CTNNA3: variants seen among roughly 807,000 people sequenced by gnomAD.
The protein encoded by CTNNA3 is catenin alpha-3.
CTNNA3 carries 76 observed loss-of-function variants against 95.7 expected under a neutral mutation model. The observed-to-expected ratio is 0.79, with a 90% confidence interval of 0.66 to 0.96. The LOEUF (loss-of-function observed/expected upper bound fraction) is 0.96. Ranked by LOEUF, CTNNA3 falls within the 40% of genes least tolerant of loss-of-function variation. The pLI is 0.00. For missense variants in CTNNA3, 1,191 were observed against 1,089.8 expected (o/e 1.09, Z -1.31); for synonymous variants, 431 against 374.4 (o/e 1.15, Z -1.74).
intron 9 of CTNNA3, among the ~76,000 whole-genome samples, chr10:66,637,546 C>A (rs16923357): frequency 0.063 from 9,600 of 152,266 alleles, 1,034 homozygotes; most frequent in African/African-American, 0.22. Context: ...GCCTTTCAAA[C>A]CGTTGTCAGG....
rs139452994 is a variant in CTNNA3, at chr10:66,962,418, G to GTT, written c.1048-186896_1048-186895dup. 5.8e-4 allele frequency among the ~76,000 whole-genome samples: 83 copies of GTT among 144,244 alleles called. 1 individual carries two copies. The highest frequency in any genetic ancestry group is 1.1e-3 in the African/African-American group (44 of 39,112). 94.6% of individuals were successfully genotyped at this position (144,244 alleles called of 152,430 possible). ...TGTTTTGTTTTTTGTTTTTGTTTTTGTTTTTTTTTTGAGACAGAGTCTCAC... is the reference window on the plus strand; with the variant it reads ...TGTTTTGTTTTTTGTTTTTGTTTTTGTTTTTTTTTTTTGAGACAGAGTCTCAC... On this transcript the variant is annotated intron_variant, in intron 7 of 17. Coordinates refer to ENST00000433211, the MANE Select transcript of CTNNA3 (RefSeq NM_013266.4).
intron 11 of CTNNA3, among the ~76,000 whole-genome samples, chr10:66,510,550 T>C (rs1004652172): frequency 1.5e-5 from 2 of 131,506 alleles, no homozygotes; most frequent in African/African-American, 5.0e-5. Flanking sequence ...ATGGTCTTTA[T>C]TGTGTTGAGG....
Position 67,333,395 on chromosome 10 carries a change from A to G in CTNNA3, c.580-113525T>C, listed in dbSNP as rs193281709. On this transcript the variant is annotated intron_variant, in intron 5 of 17. Coordinates refer to ENST00000433211, the MANE Select transcript of CTNNA3 (RefSeq NM_013266.4). ...TTATTAGATTTACAGTTACATTGGG[A>G]TGCTAAGATTTCTTGCTGTATTTTT... Among the ~76,000 whole-genome samples, 411 of 152,308 alleles carry G rather than the reference A, an allele frequency of 2.7e-3. 5 individuals carry two copies. Among genetic ancestry groups the G allele is most frequent in the East Asian group, 1.9e-3 (10 of 5,180 alleles).
chr10:66,510,680 T>G (rs927905080), intron 11 of CTNNA3, among the ~76,000 whole-genome samples: 2 of 151,944 alleles, frequency 1.3e-5, no homozygotes, highest in African/African-American at 4.8e-5. Flanking sequence ...ATTGTTAATG[T>G]GATGCATTAC....
intron 1 of CTNNA3, among the ~76,000 whole-genome samples, chr10:67,649,751 A>G (rs1839824371): frequency 6.6e-6 from 1 of 152,240 alleles, no homozygotes; most frequent in Non-Finnish European, 1.5e-5. Flanking sequence ...AAAATCTGAC[A>G]AATTTGTAGA....
At chr10:66,588,294 T>G (rs973006633) in intron 10 of CTNNA3, among the ~76,000 whole-genome samples, 22 of 151,814 alleles carry the variant, frequency 1.4e-4, no homozygotes, top group African/African-American at 5.3e-4. Context: ...TGGTTCACAG[T>G]GTAGGCTGCT....
intron 5 of CTNNA3, among the ~76,000 whole-genome samples, chr10:67,385,985 T>C (rs1353277764): frequency 6.6e-6 from 1 of 152,146 alleles, no homozygotes; most frequent in African/African-American, 2.4e-5. Context: ...ATTTAAATAA[T>C]ATACAAAATG....
chr10:66,698,934 T>A (rs1000440723), intron 9 of CTNNA3, among the ~76,000 whole-genome samples: 2 of 152,202 alleles, frequency 1.3e-5, no homozygotes, highest in Non-Finnish European at 2.9e-5. Context: ...CCGGATCATT[T>A]AAAAAATTCC....
chr10:67,337,387 A>G (rs1015800542), intron 5 of CTNNA3, among the ~76,000 whole-genome samples: 1 of 152,218 alleles, frequency 6.6e-6, no homozygotes, highest in African/African-American at 2.4e-5. Context: ...TAAAACTTGA[A>G]TGGAGGAGTA....
At chr10:66,464,054 G>A (rs1195142017) in intron 11 of CTNNA3, among the ~76,000 whole-genome samples, 1 of 152,006 alleles carries the variant, frequency 6.6e-6, no homozygotes, top group African/African-American at 2.4e-5. Context: ...TAAATTAAAT[G>A]ACTTTATTAA....
rs192611100 is a variant in CTNNA3, at chr10:65,974,329, C to T, written c.2266-7583G>A. ...CAGCACTATTCACAAAGCAAGGACACGGAATCAACCTAGGTATCCACCAAT... is the reference window on the plus strand; with the variant it reads ...CAGCACTATTCACAAAGCAAGGACATGGAATCAACCTAGGTATCCACCAAT... On this transcript the variant is annotated intron_variant, in intron 16 of 17. Transcript: ENST00000433211. Among the ~76,000 whole-genome samples, 26 of 152,228 alleles carry T rather than the reference C, an allele frequency of 1.7e-4. No individual in the cohort carries two copies. The Middle Eastern group carries it at 0.01, about 60-fold the overall frequency.
At chr10:66,092,862 T>C (rs2081263474) in intron 14 of CTNNA3, among the ~76,000 whole-genome samples, 1 of 151,904 alleles carries the variant, frequency 6.6e-6, no homozygotes, top group Admixed American at 6.6e-5. Flanking sequence ...ATATACTTCA[T>C]CATTGGTGAT....
At chr10:67,269,286 G>T (rs1227099267) in intron 5 of CTNNA3, among the ~76,000 whole-genome samples, 1 of 152,050 alleles carries the variant, frequency 6.6e-6, no homozygotes, top group Non-Finnish European at 1.5e-5. Context: ...GTCCAGAAAT[G>T]TATATGAGAA....
intron 7 of CTNNA3, among the ~76,000 whole-genome samples, chr10:67,111,906 G>A (rs890189217): frequency 6.6e-6 from 1 of 151,854 alleles, no homozygotes; most frequent in African/African-American, 2.4e-5. Context: ...TCATTATGGG[G>A]TGAAAAAAAT....
At chr10:67,086,228 A>G (rs1371246742) in intron 7 of CTNNA3, among the ~76,000 whole-genome samples, 1 of 152,060 alleles carries the variant, frequency 6.6e-6, no homozygotes, top group African/African-American at 2.4e-5. Context: ...CCTCATCCCT[A>G]TAAAATGAAA....
At position 67,005,980 on chromosome 10, in the gene CTNNA3, C is replaced by T. The variant is rs116432895; in HGVS notation, c.1047+174337G>A. On this transcript the variant is annotated intron_variant, in intron 7 of 17. Transcript: ENST00000433211. The stretch of plus-strand genomic sequence containing the variant: ...GGATTACAAGCGTGAGCCATCGCAC[C>T]CAACCTACTCCATGATTTTTTTGAT... 1.4e-3 allele frequency among the ~76,000 whole-genome samples: 216 copies of T among 152,024 alleles called. 1 individual carries two copies. The highest frequency in any genetic ancestry group is 5.0e-3 in the African/African-American group (206 of 41,480).
At position 66,339,131 on chromosome 10, in the gene CTNNA3, T is replaced by C. The variant is rs948534754; in HGVS notation, c.1732+40021A>G. ...TTTTGTTGAGAGAATTAAATGTAGCTAACACATATGAAACATGTGCATTCT... is the reference window on the plus strand; with the variant it reads ...TTTTGTTGAGAGAATTAAATGTAGCCAACACATATGAAACATGTGCATTCT... On this transcript the variant is annotated intron_variant, in intron 12 of 17. Transcript: ENST00000433211. Among the ~76,000 whole-genome samples the C allele has an allele frequency of 4.0e-5, 6 of 151,870 alleles. No homozygotes were observed. In the East Asian group the frequency reaches 1.2e-3, roughly 29 times the overall value.
intron 3 of CTNNA3, among the ~76,000 whole-genome samples, chr10:67,547,585 A>C (rs368848458): frequency 1.8e-4 from 28 of 152,296 alleles, no homozygotes; most frequent in African/African-American, 6.7e-4. Context: ...TATGCTCCTT[A>C]TGCAGAAATG....
chr10:67,619,959 A>T (rs923456980), intron 2 of CTNNA3, among the ~76,000 whole-genome samples: 1 of 151,984 alleles, frequency 6.6e-6, no homozygotes, highest in Non-Finnish European at 1.5e-5. Context: ...CTTGATTCCC[A>T]TGAGGCTTAG....
Sources: gnomAD v4.1 joint callset for allele counts (sites outside exome capture counted in the v4.1 genomes callset) on GRCh38, gnomAD v4.1.1 for gene constraint, MANE v1.5 for transcripts, NCBI Gene and HGNC (gene_info 2026-07-23, HGNC 2026-07-21) for gene names.